The following WDFY3 variants were observed in gnomAD, a reference collection of about 807,000 sequenced individuals.
WDFY3 encodes WD repeat and FYVE domain-containing protein 3.
A neutral mutation model predicts 409.6 loss-of-function variants in WDFY3; 66 were observed. The observed-to-expected ratio is 0.16, with a 90% CI of 0.13 to 0.20. The LOEUF (loss-of-function observed/expected upper bound fraction) is 0.20, where lower values mean the gene tolerates loss of function less well. Ranked by LOEUF, WDFY3 falls within the 10% of genes least tolerant of loss-of-function variation. WDFY3 has a pLI of 1.00. For synonymous variants in WDFY3, 1,521 were observed against 1,537.1 expected, an observed-to-expected ratio of 0.99 and a Z score of 0.25; for missense variants, 3,031 against 4,298.1, an observed-to-expected ratio of 0.71 and a Z score of 8.24.
At chr4:84,777,142 T>C (rs965087391) in intron 27 of WDFY3, among the ~76,000 whole-genome samples, 2 of 151,928 alleles carry the variant, frequency 1.3e-5, no homozygotes, top group African/African-American at 4.8e-5. Context: ...ATAGAGAAGT[T>C]AGAAGGAAGA....
chr4:84,851,452 C>T (rs1758996041), intron 4 of WDFY3, among the ~76,000 whole-genome samples: 1 of 152,132 alleles, frequency 6.6e-6, no homozygotes, highest in Non-Finnish European at 1.5e-5. Context: ...TATATGCTGA[C>T]TGCCCTCACA....
chr4:84,877,760 A>G (rs1221259357), intron 3 of WDFY3, among the ~76,000 whole-genome samples: 1 of 152,306 alleles, frequency 6.6e-6, no homozygotes. Flanking sequence ...GGCAAAGGTC[A>G]TATCCTATTC....
At chr4:84,773,620 A>T (rs978787560) in intron 29 of WDFY3, among the ~76,000 whole-genome samples, 1 of 152,246 alleles carries the variant, frequency 6.6e-6, no homozygotes, top group Non-Finnish European at 1.5e-5. Context: ...GACCATTACA[A>T]TGCTAGGAAT....
chr4:84,843,230 T>TA (rs1297815647), intron 5 of WDFY3, among the ~76,000 whole-genome samples: 21 of 152,204 alleles, frequency 1.4e-4, no homozygotes, highest in Non-Finnish European at 2.5e-4. Flanking sequence ...GGTTGAATGA[T>TA]ACAGGGAGAT....
intron 3 of WDFY3, among the ~76,000 whole-genome samples, chr4:84,869,898 C>T (rs1032319847): frequency 1.8e-4 from 28 of 152,108 alleles, no homozygotes; most frequent in Non-Finnish European, 3.7e-4. Flanking sequence ...AAACAAAGTA[C>T]AATTTTTCAT....
intron 58 of WDFY3, among the ~76,000 whole-genome samples, chr4:84,694,587 A>G (rs149499207): frequency 6.6e-6 from 1 of 152,340 alleles, no homozygotes; most frequent in East Asian, 1.9e-4. Context: ...AAATAAAGGT[A>G]TAGCTAATAT....
Position 84,687,180 on chromosome 4 carries a change from A to G in WDFY3, c.9543+906T>C, listed in dbSNP as rs774838987. The stretch of plus-strand genomic sequence containing the variant: ...TTTTTTTGAGACTGAGTCTCACTCT[A>G]TTGTCCAGGCTGGAGTGCAGTGGAG... On this transcript the variant is annotated intron_variant, in intron 62 of 67. Coordinates refer to ENST00000295888, the MANE Select transcript of WDFY3 (RefSeq NM_014991.6). Among the ~76,000 whole-genome samples the G allele has an allele frequency of 1.7e-3, 253 of 151,988 alleles. 2 individuals carry two copies. The highest frequency in any genetic ancestry group is 2.6e-3 in the Non-Finnish European group (180 of 67,986).
intron 23 of WDFY3, among the ~76,000 whole-genome samples, chr4:84,786,566 G>A (rs1237906027): frequency 6.6e-6 from 1 of 152,180 alleles, no homozygotes; most frequent in Non-Finnish European, 1.5e-5. Context: ...ACAAAGCAGA[G>A]GAGTTATTAA....
intron 1 of WDFY3, among the ~76,000 whole-genome samples, chr4:84,942,526 T>C (rs1772276382): frequency 6.6e-6 from 1 of 152,206 alleles, no homozygotes; most frequent in African/African-American, 2.4e-5. Context: ...CTTTTATAGA[T>C]ATACTTAGGA....
intron 49 of WDFY3, 132 bp downstream of exon 49, chr4:84,716,764 A>G (rs1734015038): frequency 5.8e-6 from 4 of 694,110 alleles, no homozygotes; most frequent in East Asian, 6.0e-5. Context: ...ATGCCACTGC[A>G]CTCCAGCCTG....
At chr4:84,710,605 AAGAT>A (rs1350648293) in intron 51 of WDFY3, among the ~76,000 whole-genome samples, 3 of 152,210 alleles carry the variant, frequency 2.0e-5, no homozygotes, top group African/African-American at 7.2e-5. Context: ...TTGAATGTAC[AAGAT>A]ACTCTCTTTG....
rs186500891 is a variant in WDFY3 at position 84,734,408 on chromosome 4, A to G, written c.6993+635T>C. Among the ~76,000 whole-genome samples the G allele has an allele frequency of 5.0e-3, 759 of 152,340 alleles. 6 individuals are homozygous for G. Among genetic ancestry groups the G allele is most frequent in the African/African-American group, 0.018 (728 of 41,578 alleles). On this transcript the variant is annotated intron_variant, in intron 43 of 67. Coordinates refer to ENST00000295888, the MANE Select transcript of WDFY3 (RefSeq NM_014991.6). ...TTAAAAAATTATCTATCACAGTAGT[A>G]CTGATATGTTCTTTGGTTGGGGAAA...
intron 7 of WDFY3, among the ~76,000 whole-genome samples, chr4:84,832,029 T>C (rs1755810195): frequency 6.6e-6 from 1 of 152,148 alleles, no homozygotes; most frequent in Non-Finnish European, 1.5e-5. Flanking sequence ...GTCAAAGAGA[T>C]AGCTGCACTG....
intron 25 of WDFY3, among the ~76,000 whole-genome samples, chr4:84,782,695 C>T (rs1746763704): frequency 6.6e-6 from 1 of 152,124 alleles, no homozygotes; most frequent in Admixed American, 6.6e-5. Flanking sequence ...TCATCTATGT[C>T]CCTGCAAAGG....
At chr4:84,706,922 T>C (rs929583265) in intron 53 of WDFY3, among the ~76,000 whole-genome samples, 1 of 151,864 alleles carries the variant, frequency 6.6e-6, no homozygotes, top group Non-Finnish European at 1.5e-5. Context: ...AATAATTTTA[T>C]TATTTATTTT....
chr4:84,806,839 A>C (rs548033884), intron 15 of WDFY3, among the ~76,000 whole-genome samples: 30 of 151,850 alleles, frequency 2.0e-4, no homozygotes, highest in Admixed American at 1.5e-3. Flanking sequence ...TAAACTCCTG[A>C]CCTCAGGCAA....
At chr4:84,861,009 G>A (rs1447341741) in intron 3 of WDFY3, among the ~76,000 whole-genome samples, 5 of 152,078 alleles carry the variant, frequency 3.3e-5, no homozygotes, top group Non-Finnish European at 7.4e-5. Flanking sequence ...TCAGGAGCTC[G>A]AGACCAGCCT....
At chr4:84,722,731 T>C (rs1735045526) in intron 46 of WDFY3, among the ~76,000 whole-genome samples, 1 of 152,222 alleles carries the variant, frequency 6.6e-6, no homozygotes, top group Non-Finnish European at 1.5e-5. Context: ...ATATTCTTTG[T>C]GCCATCCAAA....
rs747576197 is a variant in WDFY3, at chr4:84,921,646, ATTTTTTTTT to A, written c.-132+10615_-132+10623del. Among the ~76,000 whole-genome samples, 145 of 78,658 alleles carry A rather than the reference ATTTTTTTTT, an allele frequency of 1.8e-3. 1 individual carries two copies. Among genetic ancestry groups the A allele is most frequent in the Non-Finnish European group, 2.0e-3 (82 of 41,786 alleles). 51.6% of individuals were successfully genotyped at this position (78,658 alleles called of 152,430 possible). ...ATGGAACCAAGTCTCTATTGCTTTC[ATTTTTTTTT>A]TTTTTTTTTTTTTTTTTTTTGAGAC... On this transcript the variant is annotated intron_variant, in intron 2 of 67. Transcript: ENST00000295888.
Sources: allele counts gnomAD v4.1 joint callset (sites outside exome capture counted in the v4.1 genomes callset), GRCh38; gene constraint gnomAD v4.1.1; transcripts MANE v1.5; gene names NCBI Gene and HGNC (gene_info 2026-07-23, HGNC 2026-07-21).